The following EDIL3 variants were observed in gnomAD, a reference collection of about 807,000 sequenced individuals.
EDIL3 encodes the protein EGF like and discoidin domains 3, also known as EGF-like repeat and discoidin I-like domain-containing protein 3.
In EDIL3, 37 loss-of-function variants were observed where a neutral mutation model predicts 67.4. That is an observed-to-expected ratio of 0.55 (90% CI 0.42 to 0.72). The LOEUF is 0.72. EDIL3 is among the 30% of genes least tolerant of loss of function. The pLI is 0.00. For missense variants in EDIL3, 527 were observed against 586.3 expected, an observed-to-expected ratio of 0.90 and a Z score of 1.04; for synonymous variants, 195 against 196.3, an observed-to-expected ratio of 0.99 and a Z score of 0.05.
chr5:84,229,946 G>C, intron 2 of EDIL3, 62 bp from the exon 3 acceptor site: 5 of 1,319,436 alleles, frequency 3.8e-6, no homozygotes, highest in Non-Finnish European at 4.2e-6. Flanking sequence ...GAGAAGGGGG[G>C]AGAGAGAAAG....
chr5:84,037,402 C>A (rs1319539030), intron 9 of EDIL3, among the ~76,000 whole-genome samples: 1 of 152,100 alleles, frequency 6.6e-6, no homozygotes, highest in East Asian at 1.9e-4. Context: ...TAGAAAATTG[C>A]TTCTACTTTA....
intron 4 of EDIL3, among the ~76,000 whole-genome samples, chr5:84,154,907 C>T (rs1052901318): frequency 1.3e-5 from 2 of 151,924 alleles, no homozygotes; most frequent in African/African-American, 4.8e-5. Flanking sequence ...ACCATGTTGA[C>T]CAGGCTGGTC....
intron 9 of EDIL3, among the ~76,000 whole-genome samples, chr5:83,968,910 GA>G (rs1744742845): frequency 6.6e-6 from 1 of 151,584 alleles, no homozygotes; most frequent in African/African-American, 2.4e-5. Flanking sequence ...TTATGAATAA[GA>G]TATATGATCT....
intron 6 of EDIL3, among the ~76,000 whole-genome samples, chr5:84,080,976 CTT>C (rs1746958437): frequency 1.3e-5 from 2 of 152,162 alleles, no homozygotes. Flanking sequence ...TAATTGTCCT[CTT>C]TGAATAACCA....
chr5:84,177,372 CA>C (rs376393075), intron 4 of EDIL3, among the ~76,000 whole-genome samples: 19 of 152,176 alleles, frequency 1.2e-4, no homozygotes, highest in African/African-American at 4.6e-4. Context: ...AATTACATGA[CA>C]TTCTGGAAAA....
chr5:84,293,820 C>T (rs1283791638), intron 1 of EDIL3, among the ~76,000 whole-genome samples: 3 of 149,124 alleles, frequency 2.0e-5, no homozygotes, highest in Non-Finnish European at 4.4e-5. Flanking sequence ...TGAGTTTTCT[C>T]TTGAAAACAA....
intron 1 of EDIL3, among the ~76,000 whole-genome samples, chr5:84,265,359 A>T (rs1034871394): frequency 2.6e-5 from 4 of 152,206 alleles, no homozygotes; most frequent in Non-Finnish European, 5.9e-5. Context: ...TATGTTGCCA[A>T]ACTTGACTGT....
chr5:84,309,495 C>G (rs1294553668), intron 1 of EDIL3, among the ~76,000 whole-genome samples: 1 of 150,354 alleles, frequency 6.7e-6, no homozygotes, highest in Non-Finnish European at 1.5e-5. Context: ...CTTCCCCCGT[C>G]CCCCCACCCC....
intron 5 of EDIL3, among the ~76,000 whole-genome samples, chr5:84,133,464 C>CAAAAAAAAAA (rs5869210): frequency 1.2e-3 from 105 of 86,444 alleles, no homozygotes; most frequent in African/African-American, 2.4e-3. Flanking sequence ...ACTAAAAATA[C>CAAAAAAAAAA]AAAAAAAAAA....
At chr5:84,033,232 G>A (rs1186584229) in intron 9 of EDIL3, among the ~76,000 whole-genome samples, 1 of 152,060 alleles carries the variant, frequency 6.6e-6, no homozygotes, top group Non-Finnish European at 1.5e-5. Context: ...TTGCTAGTTT[G>A]GTCATTAATT....
At chr5:84,367,056 A>G (rs1486383536) in intron 1 of EDIL3, among the ~76,000 whole-genome samples, 2 of 152,226 alleles carry the variant, frequency 1.3e-5, no homozygotes, top group Admixed American at 6.5e-5. Context: ...AGCTTAATAA[A>G]TAAGTCCCTG....
rs1748168639 is a variant in EDIL3 at position 84,384,201 on chromosome 5, C to T, written c.67+107G>A. The T allele has an allele frequency of 1.4e-5, 19 of 1,399,226 alleles. No homozygotes were observed. In the South Asian group the frequency reaches 2.4e-4, roughly 17 times the overall value. The allele number at this position is 1,399,226 out of a possible 1,614,324, so 86.7% of individuals were successfully genotyped here. A position where few individuals can be genotyped will look rare whatever the true frequency, so the allele number is the denominator to read the frequency against. On this transcript the variant is annotated intron_variant, in intron 1 of 10. Transcript: ENST00000296591. ...CCTCCTCCGCGCCGCCAGCGGCGCT[C>T]GCCACCCTTGGCACGCCGGAGGGAC...
At chr5:84,063,619 T>C (rs1012066674) in intron 8 of EDIL3, among the ~76,000 whole-genome samples, 55 of 152,136 alleles carry the variant, frequency 3.6e-4, no homozygotes, top group African/African-American at 1.3e-3. Context: ...AATCCTTTTT[T>C]AGGCAACACA....
intron 1 of EDIL3, among the ~76,000 whole-genome samples, chr5:84,335,719 A>G (rs1746971426): frequency 6.6e-6 from 1 of 152,200 alleles, no homozygotes; most frequent in Non-Finnish European, 1.5e-5. Context: ...GGAAGTGAAG[A>G]AAAGGTAGAG....
chr5:84,167,352 T>C (rs1221783722), intron 4 of EDIL3, among the ~76,000 whole-genome samples: 1 of 151,994 alleles, frequency 6.6e-6, no homozygotes, highest in African/African-American at 2.4e-5. Flanking sequence ...TGCCCCTTCC[T>C]TTCCTCAGAC....
chr5:84,010,993 C>A lies in EDIL3; in HGVS notation c.1138-47633G>T, dbSNP rs181024688. Reference sequence around the variant, plus strand: ...GGATTGTATGTAAAATGGGATGAAACAAGTCCTTATAAAAATGGCTCCATG... The same window carrying A: ...GGATTGTATGTAAAATGGGATGAAAAAAGTCCTTATAAAAATGGCTCCATG... On this transcript the variant is annotated intron_variant, in intron 9 of 10. Transcript: ENST00000296591. 7.3e-3 allele frequency among the ~76,000 whole-genome samples: 1,114 copies of A among 152,248 alleles called. 4 individuals carry two copies. The highest frequency in any genetic ancestry group is 0.014 in the Middle Eastern group (4 of 294).
intron 1 of EDIL3, among the ~76,000 whole-genome samples, chr5:84,271,663 A>G (rs1745476137): frequency 6.6e-6 from 1 of 152,076 alleles, no homozygotes; most frequent in Admixed American, 6.6e-5. Context: ...CCCCTTATCA[A>G]GTTTTTCACT....
chr5:84,221,199 T>C (rs1472242853), intron 3 of EDIL3, among the ~76,000 whole-genome samples: 3 of 152,176 alleles, frequency 2.0e-5, no homozygotes, highest in Admixed American at 6.6e-5. Context: ...GGCTGTACCA[T>C]GAGAGATTAA....
At chr5:84,133,264 AT>A (rs1191442190) in intron 5 of EDIL3, among the ~76,000 whole-genome samples, 3 of 151,918 alleles carry the variant, frequency 2.0e-5, no homozygotes, top group African/African-American at 7.3e-5. Flanking sequence ...TCTCATTCCA[AT>A]TCATCATCAT....
Sources: gnomAD v4.1 joint callset for allele counts (sites outside exome capture counted in the v4.1 genomes callset) on GRCh38, gnomAD v4.1.1 for gene constraint, MANE v1.5 for transcripts, NCBI Gene and HGNC (gene_info 2026-07-23, HGNC 2026-07-21) for gene names.